Variants in NELL1 observed in about 807,000 individuals in gnomAD.
The protein encoded by NELL1 is protein kinase C-binding protein NELL1.
A neutral mutation model predicts 107.4 loss-of-function variants in NELL1; 76 were observed. The observed-to-expected ratio is 0.71, with a 90% CI of 0.59 to 0.86. NELL1 has a LOEUF of 0.86. Among genes scored for constraint, NELL1 ranks in the 40% least tolerant of loss-of-function variants. The pLI is 0.00. For missense variants in NELL1, 1,024 were observed against 1,005.5 expected (o/e 1.02, Z -0.25); for synonymous variants, 353 against 341.2 (o/e 1.03, Z -0.38).
At chr11:21,199,795 C>CTA (rs35219787) in intron 13 of NELL1, among the ~76,000 whole-genome samples, 2 of 147,670 alleles carry the variant, frequency 1.4e-5, no homozygotes, top group Non-Finnish European at 1.5e-5. Flanking sequence ...TATCCCTCCC[C>CTA]AGCCCCCCAC....
intron 2 of NELL1, among the ~76,000 whole-genome samples, chr11:20,744,285 G>C (rs536782215): frequency 0.035 from 5,306 of 152,230 alleles, 297 homozygotes; most frequent in African/African-American, 0.12. Context: ...GACTTTTAAA[G>C]TTGTAAAGTT....
At chr11:21,264,376 C>T (rs1013907665) in intron 14 of NELL1, among the ~76,000 whole-genome samples, 3 of 151,650 alleles carry the variant, frequency 2.0e-5, no homozygotes, top group African/African-American at 7.3e-5. Flanking sequence ...CCTGCACAAG[C>T]CTTGAATATG....
intron 9 of NELL1, among the ~76,000 whole-genome samples, chr11:20,931,784 A>AT (rs201813889): frequency 0.021 from 3,125 of 151,498 alleles, 50 homozygotes; most frequent in African/African-American, 0.044. Flanking sequence ...CCTTATTTTG[A>AT]TTTTTTTTCA....
intron 14 of NELL1, among the ~76,000 whole-genome samples, chr11:21,354,680 G>C (rs911448614): frequency 6.6e-6 from 1 of 152,194 alleles, no homozygotes; most frequent in Non-Finnish European, 1.5e-5. Flanking sequence ...GTTTCAGGTT[G>C]GAGATGGGAA....
intron 14 of NELL1, among the ~76,000 whole-genome samples, chr11:21,229,788 A>G (rs1321415581): frequency 1.3e-5 from 2 of 152,178 alleles, no homozygotes; most frequent in Non-Finnish European, 2.9e-5. Context: ...CCCAAGGGCA[A>G]GTGGACACTG....
intron 16 of NELL1, among the ~76,000 whole-genome samples, chr11:21,550,181 G>C (rs906418381): frequency 2.6e-5 from 4 of 151,918 alleles, no homozygotes; most frequent in Non-Finnish European, 5.9e-5. Context: ...CTAGTGATGT[G>C]ACCTTGAGTC....
In NELL1 at chr11:21,469,002, T is replaced by A. The variant is rs969038145; in HGVS notation, c.1646-65372T>A. Among the ~76,000 whole-genome samples the A allele has an allele frequency of 3.3e-5, 5 of 151,974 alleles. 1 individual carries two copies. Among genetic ancestry groups the A allele is most frequent in the Non-Finnish European group, 7.4e-5 (5 of 67,966 alleles). On this transcript the variant is annotated intron_variant, in intron 15 of 19. Coordinates refer to ENST00000357134, the MANE Select transcript of NELL1 (RefSeq NM_006157.5). ...GGAAATTCTGGGTGTTTTTTTTGTT[T>A]GTTTTTTGTTTTGTTTTGTTTTGTT...
chr11:20,993,992 T>C (rs7109093), intron 12 of NELL1, among the ~76,000 whole-genome samples: 58,612 of 152,056 alleles, frequency 0.39, 11,940 homozygotes, highest in East Asian at 0.59. Context: ...TCCTTTATAT[T>C]TTCAAAGATA....
At chr11:21,312,898 A>G (rs2133649353) in intron 14 of NELL1, among the ~76,000 whole-genome samples, 1 of 152,194 alleles carries the variant, frequency 6.6e-6, no homozygotes, top group African/African-American at 2.4e-5. Context: ...GAGGGAGATC[A>G]GGGGATGTCT....
chr11:20,909,053 T>C (rs897590080), intron 5 of NELL1, among the ~76,000 whole-genome samples: 28 of 152,216 alleles, frequency 1.8e-4, no homozygotes, highest in African/African-American at 6.8e-4. Context: ...CTAAAAACTA[T>C]GCTATGTGAA....
intron 15 of NELL1, among the ~76,000 whole-genome samples, chr11:21,449,593 G>T (rs957821062): frequency 5.3e-5 from 8 of 152,092 alleles, no homozygotes; most frequent in African/African-American, 1.9e-4. Flanking sequence ...TATAGATTAT[G>T]TTTTTGTGTT....
At chr11:21,382,353 T>C (rs1027785273) in intron 15 of NELL1, among the ~76,000 whole-genome samples, 2 of 151,970 alleles carry the variant, frequency 1.3e-5, no homozygotes, top group Non-Finnish European at 2.9e-5. Context: ...TAACAACTAT[T>C]ACATTATTGT....
intron 3 of NELL1, among the ~76,000 whole-genome samples, chr11:20,805,997 T>C (rs1857374971): frequency 6.6e-6 from 1 of 152,238 alleles, no homozygotes; most frequent in Non-Finnish European, 1.5e-5. Flanking sequence ...TGTTTTTGTT[T>C]TTCTACTTAA....
intron 3 of NELL1, among the ~76,000 whole-genome samples, chr11:20,820,054 A>C (rs1857716078): frequency 6.6e-6 from 1 of 152,198 alleles, no homozygotes; most frequent in African/African-American, 2.4e-5. Flanking sequence ...ACCCTATATC[A>C]GTTTTGAAGG....
chr11:21,271,003 G>A (rs1399449301), intron 14 of NELL1, among the ~76,000 whole-genome samples: 1 of 151,990 alleles, frequency 6.6e-6, no homozygotes, highest in Non-Finnish European at 1.5e-5. Flanking sequence ...TTCAAAATTT[G>A]CAGGGAAGGC....
intron 2 of NELL1, among the ~76,000 whole-genome samples, chr11:20,721,114 C>T (rs530097105): frequency 4.7e-5 from 7 of 149,282 alleles, no homozygotes; most frequent in African/African-American, 1.8e-4. Context: ...TAGCTTCCAA[C>T]AATACAGTCT....
chr11:20,968,797 A>G (rs1002695312), intron 12 of NELL1, among the ~76,000 whole-genome samples: 1 of 152,110 alleles, frequency 6.6e-6, no homozygotes, highest in African/African-American at 2.4e-5. Flanking sequence ...CATGGGCAGT[A>G]TGTGCCTCTC....
chr11:21,570,144 A>C (rs1857064943), intron 17 of NELL1, among the ~76,000 whole-genome samples: 1 of 151,898 alleles, frequency 6.6e-6, no homozygotes, highest in Admixed American at 6.6e-5. Context: ...AACTGCCATA[A>C]GGTGGAAAGA....
chr11:21,009,428 T>A (rs1157464861), intron 12 of NELL1, among the ~76,000 whole-genome samples: 1 of 152,094 alleles, frequency 6.6e-6, no homozygotes, highest in Non-Finnish European at 1.5e-5. Flanking sequence ...AGGAGAGTAA[T>A]AAAACCCAAA....
Sources: allele counts gnomAD v4.1 joint callset (sites outside exome capture counted in the v4.1 genomes callset), GRCh38; gene constraint gnomAD v4.1.1; transcripts MANE v1.5; gene names NCBI Gene and HGNC (gene_info 2026-07-23, HGNC 2026-07-21).